The following FRYL variants were observed in gnomAD, a reference collection of about 807,000 sequenced individuals.
The protein encoded by FRYL is FRY like transcription coactivator.
A neutral mutation model predicts 351.2 loss-of-function variants in FRYL; 150 were observed. The ratio of observed to expected loss-of-function variants is 0.43; its 90% CI spans 0.37 to 0.49. The LOEUF is 0.49. Among genes scored for constraint, FRYL ranks in the 20% least tolerant of loss-of-function variants. FRYL has a pLI of 0.00. For missense variants in FRYL, 3,036 were observed against 3,619.3 expected, an observed-to-expected ratio of 0.84 and a Z score of 4.13; for synonymous variants, 1,153 against 1,257.1, an observed-to-expected ratio of 0.92 and a Z score of 1.75.
At chr4:48,678,857 G>T (rs945344759) in intron 3 of FRYL, among the ~76,000 whole-genome samples, 7 of 151,934 alleles carry the variant, frequency 4.6e-5, no homozygotes, top group African/African-American at 1.7e-4. Flanking sequence ...TCATTAGATT[G>T]ACTGCTTATT....
intron 1 of FRYL, among the ~76,000 whole-genome samples, chr4:48,763,762 G>A (rs891022712): frequency 2.6e-5 from 4 of 152,110 alleles, no homozygotes; most frequent in Non-Finnish European, 4.4e-5. Flanking sequence ...ACTTCCACTC[G>A]ACATGTACTA....
intron 3 of FRYL, among the ~76,000 whole-genome samples, chr4:48,671,737 C>T (rs544911282): frequency 2.6e-5 from 4 of 151,390 alleles, no homozygotes; most frequent in African/African-American, 4.8e-5. Context: ...TCTGTAATCC[C>T]AGCTACCCAG....
chr4:48,679,811 G>A (rs1764338027), intron 3 of FRYL, among the ~76,000 whole-genome samples: 1 of 151,932 alleles, frequency 6.6e-6, no homozygotes, highest in East Asian at 1.9e-4. Context: ...CAATTATGAT[G>A]TCAATTTTAA....
intron 53 of FRYL, among the ~76,000 whole-genome samples, chr4:48,526,116 T>A (rs1416166910): frequency 6.6e-6 from 1 of 152,148 alleles, no homozygotes; most frequent in Non-Finnish European, 1.5e-5. Context: ...TATGAGCTGA[T>A]GAATGTGTAT....
chr4:48,768,581 G>A (rs1398438818), intron 1 of FRYL, among the ~76,000 whole-genome samples: 2 of 152,086 alleles, frequency 1.3e-5, no homozygotes, highest in South Asian at 2.1e-4. Flanking sequence ...GAGGTAGGCA[G>A]ATAACAAGGT....
intron 57 of FRYL, among the ~76,000 whole-genome samples, chr4:48,511,790 T>C (rs1031049776): frequency 3.3e-5 from 5 of 152,166 alleles, no homozygotes; most frequent in South Asian, 4.2e-4. Flanking sequence ...GGTAAGAAAA[T>C]GCATTTAGCT....
chr4:48,571,775 G>A (rs779538998), intron 26 of FRYL: 2 of 967,196 alleles, frequency 2.1e-6, no homozygotes, highest in Non-Finnish European at 2.5e-6. Context: ...TCTGCAACTG[G>A]CTTTTGCAGT....
At chr4:48,521,552 C>T (rs1426894588) in intron 54 of FRYL, among the ~76,000 whole-genome samples, 17 of 152,180 alleles carry the variant, frequency 1.1e-4, no homozygotes, top group Admixed American at 7.9e-4. Context: ...TTATGTGGCA[C>T]GGTTAAGTGA....
intron 40 of FRYL, among the ~76,000 whole-genome samples, chr4:48,548,056 AT>A (rs901209380): frequency 4.4e-4 from 66 of 148,762 alleles, no homozygotes; most frequent in South Asian, 1.1e-3. Flanking sequence ...ATGGAAATGA[AT>A]TTTTTTTTTT....
intron 1 of FRYL, among the ~76,000 whole-genome samples, chr4:48,720,148 C>CAA (rs111735468): frequency 0.03 from 3,520 of 117,174 alleles, 154 homozygotes; most frequent in African/African-American, 0.1. Flanking sequence ...GACTCCATCT[C>CAA]AAAAAAAAAA....
intron 1 of FRYL, among the ~76,000 whole-genome samples, chr4:48,752,320 C>T (rs1773330583): frequency 6.6e-6 from 1 of 152,116 alleles, no homozygotes; most frequent in Non-Finnish European, 1.5e-5. Flanking sequence ...TGGTATAGAC[C>T]AATTTCTGCC....
intron 61 of FRYL, 120 bp downstream of exon 61, chr4:48,502,708 A>G (rs1462930200): frequency 2.9e-6 from 2 of 693,070 alleles, no homozygotes; most frequent in Non-Finnish European, 5.0e-6. Flanking sequence ...ACTGAAGCAC[A>G]TACTACTTGT....
At chr4:48,626,281 TGTATACGTATGCATATGTTTATATTTAA>T (rs531456954) in intron 4 of FRYL, among the ~76,000 whole-genome samples, 292 of 152,218 alleles carry the variant, frequency 1.9e-3, no homozygotes, top group African/African-American at 6.9e-3. Flanking sequence ...TGTATACATG[TGTATACGTATGCATATGTTTATATTTAA>T]GTTTAAAGAT....
chr4:48,688,358 A>T (rs899047960), intron 2 of FRYL, among the ~76,000 whole-genome samples: 6 of 152,200 alleles, frequency 3.9e-5, no homozygotes, highest in Admixed American at 1.3e-4. Flanking sequence ...ATAGAAAACA[A>T]AATGCAGTAA....
At chr4:48,626,024 C>G (rs1418652114) in intron 4 of FRYL, among the ~76,000 whole-genome samples, 3 of 152,004 alleles carry the variant, frequency 2.0e-5, no homozygotes, top group Non-Finnish European at 2.9e-5. Flanking sequence ...TGTTCTCATC[C>G]TTAAACTCAA....
intron 1 of FRYL, among the ~76,000 whole-genome samples, chr4:48,768,513 A>C (rs1775186623): frequency 6.6e-6 from 1 of 152,188 alleles, no homozygotes; most frequent in Non-Finnish European, 1.5e-5. Flanking sequence ...TGACACAAAA[A>C]GTACAATTCA....
At chr4:48,518,473 T>C (rs746098032) in intron 55 of FRYL, among the ~76,000 whole-genome samples, 27 of 152,212 alleles carry the variant, frequency 1.8e-4, no homozygotes, top group Non-Finnish European at 3.1e-4. Context: ...GCAAGCTCTA[T>C]GTGTCAGGGA....
At chr4:48,748,245 CA>C (rs1043183710) in intron 1 of FRYL, among the ~76,000 whole-genome samples, 5 of 146,732 alleles carry the variant, frequency 3.4e-5, no homozygotes, top group Admixed American at 6.8e-5. Context: ...GACTCCGTTT[CA>C]AAAAAAAAAT....
intron 1 of FRYL, among the ~76,000 whole-genome samples, chr4:48,743,476 A>T (rs139838379): frequency 6.6e-6 from 1 of 152,310 alleles, no homozygotes; most frequent in East Asian, 1.9e-4. Context: ...TACAGCCCAG[A>T]AATGTTTGCC....
Sources: gnomAD v4.1 joint callset for allele counts (sites outside exome capture counted in the v4.1 genomes callset) on GRCh38, gnomAD v4.1.1 for gene constraint, MANE v1.5 for transcripts, NCBI Gene and HGNC (gene_info 2026-07-23, HGNC 2026-07-21) for gene names.